Variants in CSMD1 observed in about 807,000 individuals in gnomAD.
The protein encoded by CSMD1 is CUB and sushi domain-containing protein 1.
In CSMD1, 213 loss-of-function variants were observed where a neutral mutation model predicts 417.5. The observed-to-expected ratio is 0.51, with a 90% CI of 0.46 to 0.57. The LOEUF (loss-of-function observed/expected upper bound fraction) is 0.57. Among genes scored for constraint, CSMD1 ranks in the 20% least tolerant of loss-of-function variants. The pLI is 0.00. For synonymous variants in CSMD1, 2,862 were observed against 1,736.8 expected, an observed-to-expected ratio of 1.65 and a Z score of -16.11; for missense variants, 6,923 against 4,529.7, an observed-to-expected ratio of 1.53 and a Z score of -15.17.
At chr8:4,904,012 C>G (rs997856040) in intron 1 of CSMD1, among the ~76,000 whole-genome samples, 12 of 152,004 alleles carry the variant, frequency 7.9e-5, no homozygotes, top group Admixed American at 7.9e-4. Context: ...GTATTTATTT[C>G]TTTTATTTTA....
chr8:3,398,038 A>G (rs763491868), intron 16 of CSMD1, among the ~76,000 whole-genome samples: 4 of 152,248 alleles, frequency 2.6e-5, no homozygotes, highest in Non-Finnish European at 4.4e-5. Context: ...GAATTTAGCA[A>G]AACATCACAC....
At chr8:4,085,141 G>A (rs1185051217) in intron 3 of CSMD1, among the ~76,000 whole-genome samples, 1 of 152,152 alleles carries the variant, frequency 6.6e-6, no homozygotes, top group Non-Finnish European at 1.5e-5. Context: ...GATGTCACCG[G>A]CCTTGAAGGC....
chr8:4,468,124 C>T (rs534544086), intron 2 of CSMD1, among the ~76,000 whole-genome samples: 1 of 152,288 alleles, frequency 6.6e-6, no homozygotes, highest in South Asian at 2.1e-4. Flanking sequence ...TCAGATATAA[C>T]TTTTTGACTA....
At chr8:3,324,715 T>G (rs1252062790) in intron 23 of CSMD1, among the ~76,000 whole-genome samples, 2 of 147,978 alleles carry the variant, frequency 1.4e-5, no homozygotes, top group African/African-American at 5.0e-5. Context: ...GGCCCACATC[T>G]AACCCCAGAG....
intron 3 of CSMD1, among the ~76,000 whole-genome samples, chr8:4,041,683 G>C (rs1037180526): frequency 3.9e-5 from 6 of 152,108 alleles, no homozygotes; most frequent in Non-Finnish European, 8.8e-5. Context: ...AAATAAAACA[G>C]AATTTTCAAT....
chr8:4,366,761 C>T (rs946365719), intron 3 of CSMD1, among the ~76,000 whole-genome samples: 8 of 151,954 alleles, frequency 5.3e-5, no homozygotes, highest in African/African-American at 1.2e-4. Context: ...ACAACGTGCA[C>T]GTTAGTTACA....
chr8:4,885,414 T>C (rs1402265109), intron 1 of CSMD1, among the ~76,000 whole-genome samples: 3 of 152,056 alleles, frequency 2.0e-5, no homozygotes, highest in Non-Finnish European at 4.4e-5. Context: ...TTGTTCCTGA[T>C]CTTAGGGGGA....
chr8:4,539,189 G>C (rs1012128443), intron 2 of CSMD1, among the ~76,000 whole-genome samples: 12 of 152,184 alleles, frequency 7.9e-5, no homozygotes, highest in South Asian at 4.1e-4. Context: ...TTATTTTGCA[G>C]TATTACTGTA....
chr8:3,912,214 T>C (rs771708565), intron 5 of CSMD1, among the ~76,000 whole-genome samples: 42 of 152,352 alleles, frequency 2.8e-4, no homozygotes, highest in Non-Finnish European at 5.4e-4. Flanking sequence ...CTAACTCTGA[T>C]TCGACATACT....
chr8:4,962,760 G>C (rs1285073131), intron 1 of CSMD1, among the ~76,000 whole-genome samples: 3 of 152,150 alleles, frequency 2.0e-5, no homozygotes, highest in Non-Finnish European at 4.4e-5. Context: ...CAATGTTCTT[G>C]GGATATGGCA....
chr8:3,804,418 A>G (rs1344725324), intron 5 of CSMD1, among the ~76,000 whole-genome samples: 1 of 152,210 alleles, frequency 6.6e-6, no homozygotes, highest in African/African-American at 2.4e-5. Context: ...ATTTTGTTCC[A>G]GAAAATGAAA....
At position 4,351,414 on chromosome 8, in the gene CSMD1, C is replaced by T. The variant is rs530613445; in HGVS notation, c.415+68539G>A. 3.6e-4 allele frequency among the ~76,000 whole-genome samples: 55 copies of T among 152,276 alleles called. No homozygotes were observed. The South Asian group carries it at 0.011, about 31-fold the overall frequency. On this transcript the variant is annotated intron_variant, in intron 3 of 69. Transcript: ENST00000635120. ...CTCATAGCCCATGCTGGCTGTTATACCAAGTAAGGTAAGAAGAGTTACTTA... is the reference window on the plus strand; with the variant it reads ...CTCATAGCCCATGCTGGCTGTTATATCAAGTAAGGTAAGAAGAGTTACTTA...
intron 12 of CSMD1, among the ~76,000 whole-genome samples, chr8:3,439,613 T>C (rs527430891): frequency 3.3e-5 from 5 of 151,888 alleles, no homozygotes; most frequent in African/African-American, 1.2e-4. Context: ...TCTTTTCAAG[T>C]TCTTTATATG....
intron 1 of CSMD1, among the ~76,000 whole-genome samples, chr8:4,838,204 A>G (rs1800615933): frequency 1.3e-5 from 2 of 152,302 alleles, no homozygotes; most frequent in African/African-American, 4.8e-5. Context: ...CCGCTCTTCA[A>G]TCCTTTGAGA....
intron 6 of CSMD1, among the ~76,000 whole-genome samples, chr8:3,732,456 T>G (rs1564551): frequency 0.33 from 50,554 of 151,920 alleles, 8,839 homozygotes; most frequent in Non-Finnish European, 0.4. Flanking sequence ...TCCTTAGGAA[T>G]AGTAATTTAA....
chr8:4,142,091 T>G, intron 3 of CSMD1, among the ~76,000 whole-genome samples: 1 of 151,074 alleles, frequency 6.6e-6, no homozygotes, highest in East Asian at 1.9e-4. Context: ...ACTGGAACAT[T>G]CCCTAATGTT....
intron 12 of CSMD1, among the ~76,000 whole-genome samples, chr8:3,423,862 A>G (rs1339233111): frequency 1.3e-5 from 2 of 152,212 alleles, no homozygotes; most frequent in African/African-American, 2.4e-5. Context: ...CACCTCCACC[A>G]GTCCTACGGC....
At chr8:4,424,794 A>C (rs1031077092) in intron 2 of CSMD1, among the ~76,000 whole-genome samples, 4 of 152,084 alleles carry the variant, frequency 2.6e-5, no homozygotes, top group African/African-American at 4.8e-5. Flanking sequence ...CGGTTGTGTA[A>C]TTATTATACC....
chr8:4,510,132 T>C (rs1395951282), intron 2 of CSMD1, among the ~76,000 whole-genome samples: 1 of 151,992 alleles, frequency 6.6e-6, no homozygotes, highest in Non-Finnish European at 1.5e-5. Flanking sequence ...GGAGTTCTCC[T>C]TCACACGCTC....
Sources: gnomAD v4.1 joint callset for allele counts (sites outside exome capture counted in the v4.1 genomes callset) on GRCh38, gnomAD v4.1.1 for gene constraint, MANE v1.5 for transcripts, NCBI Gene and HGNC (gene_info 2026-07-23, HGNC 2026-07-21) for gene names.